PLAC1: variants seen among roughly 807,000 people sequenced by gnomAD.
PLAC1 encodes the protein placenta associated 1, also known as placenta-specific protein 1.
For missense variants in PLAC1, 136 were observed against 163.2 expected, an observed-to-expected ratio of 0.83 and a Z score of 0.91; for synonymous variants, 68 against 62.1, an observed-to-expected ratio of 1.09 and a Z score of -0.44.
At chrX:134,650,456 A>G (rs2078356761) in intron 1 of PLAC1, among the ~76,000 whole-genome samples, 2 of 110,289 alleles carry the variant, frequency 1.8e-5, no homozygotes, top group Non-Finnish European at 3.8e-5. Context: ...TATTCCCGAG[A>G]CCCTCAAAGA....
chrX:134,722,650 T>C (rs1354877727), intron 2 of PLAC1, among the ~76,000 whole-genome samples: 1 of 111,966 alleles, frequency 8.9e-6, no homozygotes, highest in Non-Finnish European at 1.9e-5. Context: ...CTTAATCATA[T>C]AGTTTAAAGG....
intron 2 of PLAC1, among the ~76,000 whole-genome samples, chrX:134,726,658 A>G (rs1321497798): frequency 9.2e-6 from 1 of 109,207 alleles, no homozygotes; most frequent in Admixed American, 9.8e-5. Context: ...CCCTGTCTCT[A>G]CTAAAATACA....
At chrX:134,762,821 C>CAAAAAAAAAAAAAAAAAAAAAAAA (rs60721487) in intron 1 of PLAC1, among the ~76,000 whole-genome samples, 3 of 14,823 alleles carry the variant, frequency 2.0e-4, no homozygotes, top group Non-Finnish European at 3.5e-4. Flanking sequence ...GGCTCTATCT[C>CAAAAAAAAAAAAAAAAAAAAAAAA]AAAAAAAAAA....
At chrX:134,609,197 C>T (rs1020781566) in intron 1 of PLAC1, among the ~76,000 whole-genome samples, 14 of 111,641 alleles carry the variant, frequency 1.3e-4, no homozygotes, top group Non-Finnish European at 2.3e-4. Flanking sequence ...CCCTGGAAAG[C>T]GCATGCACAC....
At chrX:134,705,016 A>ATTTATATATATATATATATATATATATT (rs1398812681) in intron 2 of PLAC1, among the ~76,000 whole-genome samples, 1 of 99,328 alleles carries the variant, frequency 1.0e-5, no homozygotes, top group African/African-American at 4.0e-5. Context: ...ATATATATAT[A>ATTTATATATATATATATATATATATATT]TATATACACA....
chrX:134,585,175 C>CAAAAAAAAA (rs56343935), intron 2 of PLAC1, among the ~76,000 whole-genome samples: 48 of 33,453 alleles, frequency 1.4e-3, no homozygotes, highest in African/African-American at 3.7e-3. Context: ...ACTAAAAGTA[C>CAAAAAAAAA]AAAAAAAAAA....
intron 1 of PLAC1, among the ~76,000 whole-genome samples, chrX:134,616,618 A>G (rs1451258671): frequency 9.1e-6 from 1 of 109,772 alleles, no homozygotes; most frequent in Non-Finnish European, 1.9e-5. Flanking sequence ...CCTGGGCGAC[A>G]GAGCAAGACT....
At chrX:134,667,284 G>A (rs902776494) in intron 2 of PLAC1, among the ~76,000 whole-genome samples, 4 of 112,070 alleles carry the variant, frequency 3.6e-5, no homozygotes, top group Non-Finnish European at 7.5e-5. Context: ...TCTCATAAGA[G>A]ACTTGTATCT....
chrX:134,736,554 A>G (rs1264836947), intron 1 of PLAC1, among the ~76,000 whole-genome samples: 2 of 110,984 alleles, frequency 1.8e-5, no homozygotes, highest in African/African-American at 6.6e-5. Context: ...TGGGCCCCTG[A>G]CCCCACCAAC....
chrX:134,635,900 G>A (rs1250833419), intron 1 of PLAC1, among the ~76,000 whole-genome samples: 1 of 111,699 alleles, frequency 9.0e-6, no homozygotes, highest in Non-Finnish European at 1.9e-5. Flanking sequence ...CTCTGGGTGT[G>A]ATCCTGTACA....
chrX:134,698,700 G>C (rs1188540942), intron 2 of PLAC1, among the ~76,000 whole-genome samples: 2 of 111,060 alleles, frequency 1.8e-5, no homozygotes, highest in Non-Finnish European at 3.8e-5. Flanking sequence ...TCTATGACTT[G>C]AGTCATTATC....
At chrX:134,748,667 G>A (rs1224162621) in intron 1 of PLAC1, among the ~76,000 whole-genome samples, 1 of 112,065 alleles carries the variant, frequency 8.9e-6, no homozygotes, top group Non-Finnish European at 1.9e-5. Flanking sequence ...TAATTTGGTC[G>A]TAGCTACTGG....
intron 1 of PLAC1, among the ~76,000 whole-genome samples, chrX:134,652,802 C>CG (rs1369292269): frequency 4.3e-5 from 1 of 23,310 alleles, no homozygotes; most frequent in Non-Finnish European, 8.7e-5. Flanking sequence ...AAAGCATGGG[C>CG]GGGGGTGGGG....
intron 2 of PLAC1, among the ~76,000 whole-genome samples, chrX:134,678,802 T>G (rs2078484163): frequency 8.9e-6 from 1 of 111,777 alleles, no homozygotes; most frequent in African/African-American, 3.3e-5. Flanking sequence ...AGAAGGATTT[T>G]TGCAGATGTA....
intron 2 of PLAC1, among the ~76,000 whole-genome samples, chrX:134,673,596 C>A (rs776417416): frequency 1.8e-5 from 2 of 109,969 alleles, no homozygotes; most frequent in South Asian, 8.0e-4. Context: ...ATGCAGAGAC[C>A]ACCCCAGTCC....
intron 2 of PLAC1, among the ~76,000 whole-genome samples, chrX:134,701,217 G>A (rs182283195): frequency 1.8e-3 from 204 of 111,823 alleles, no homozygotes; most frequent in Admixed American, 3.0e-3. Flanking sequence ...ATGGTGCTGG[G>A]ATAACTGTCT....
intron 2 of PLAC1, among the ~76,000 whole-genome samples, chrX:134,577,492 C>A (rs917811806): frequency 9.0e-6 from 1 of 111,539 alleles, no homozygotes; most frequent in African/African-American, 3.3e-5. Context: ...AGCTCAAGAC[C>A]AGCCTGGCCA....
At chrX:134,667,219 C>G (rs896675400) in intron 2 of PLAC1, among the ~76,000 whole-genome samples, 2 of 111,784 alleles carry the variant, frequency 1.8e-5, no homozygotes, top group Middle Eastern at 9.2e-3. Context: ...AGCACACAAC[C>G]AAAAAAGTGA....
intron 2 of PLAC1, among the ~76,000 whole-genome samples, chrX:134,597,480 T>G (rs2078067496): frequency 8.9e-6 from 1 of 112,513 alleles, no homozygotes; most frequent in South Asian, 3.6e-4. Context: ...AGTATTGGCA[T>G]GAATTGACTG....
Sources: gnomAD v4.1 joint callset for allele counts (sites outside exome capture counted in the v4.1 genomes callset) on GRCh38, gnomAD v4.1.1 for gene constraint, MANE v1.5 for transcripts, NCBI Gene and HGNC (gene_info 2026-07-23, HGNC 2026-07-21) for gene names.